The following NETO1 variants were observed in gnomAD, a reference collection of about 807,000 sequenced individuals.
NETO1 encodes the protein neuropilin and tolloid-like protein 1.
In NETO1, 26 loss-of-function variants were observed where a neutral mutation model predicts 61.3. The observed-to-expected ratio is 0.42, with a 90% CI of 0.31 to 0.59. The LOEUF is 0.59. NETO1 is among the 20% of genes least tolerant of loss of function. The pLI is 0.12. For synonymous variants in NETO1, 225 were observed against 225.8 expected (o/e 1.00, Z 0.03); for missense variants, 531 against 662.8 (o/e 0.80, Z 2.18).
rs989816178 is a variant in NETO1, at chr18:72,859,215, T to C, written c.221-141A>G. On this transcript the variant is annotated intron_variant, in intron 3 of 10. Transcript: ENST00000327305. The stretch of plus-strand genomic sequence containing the variant: ...TGCATAGAAATATAAAGAAAGCATA[T>C]GATACTATTCTACGGGACACAATTT... The C allele has an allele frequency of 9.7e-6, 8 of 828,588 alleles. No individual in the cohort carries two copies. The African/African-American group carries it at 1.0e-4, about 11-fold the overall frequency. The allele number at this position is 828,588 out of a possible 1,614,324, so 51.3% of individuals were successfully genotyped here.
At chr18:72,783,222 T>C (rs945279578) in intron 7 of NETO1, among the ~76,000 whole-genome samples, 3 of 152,196 alleles carry the variant, frequency 2.0e-5, no homozygotes, top group Admixed American at 6.5e-5. Context: ...AGCAATTCTC[T>C]CTCCTTACCT....
intron 7 of NETO1, among the ~76,000 whole-genome samples, chr18:72,778,057 A>G (rs1268892346): frequency 6.6e-6 from 1 of 152,192 alleles, no homozygotes; most frequent in Non-Finnish European, 1.5e-5. Context: ...TGCACCCTCC[A>G]CTTGGTGCAG....
chr18:72,834,085 T>C (rs2073665184), intron 4 of NETO1: 20 of 934,826 alleles, frequency 2.1e-5, no homozygotes, highest in Non-Finnish European at 2.6e-5. Flanking sequence ...GTTGTGTTAC[T>C]TGTATTATTG....
chr18:72,812,257 T>C (rs11877598), intron 4 of NETO1, among the ~76,000 whole-genome samples: 21,313 of 152,248 alleles, frequency 0.14, 1,729 homozygotes, highest in Middle Eastern at 0.23. Flanking sequence ...TTGAACACAG[T>C]CTGTCTGATT....
intron 4 of NETO1, among the ~76,000 whole-genome samples, chr18:72,798,761 A>G (rs2072404517): frequency 6.6e-6 from 1 of 152,220 alleles, no homozygotes; most frequent in South Asian, 2.1e-4. Context: ...ATGATGAGAC[A>G]GCAGAAGACC....
chr18:72,768,365 T>G (rs921576262), intron 7 of NETO1, among the ~76,000 whole-genome samples: 13 of 152,172 alleles, frequency 8.5e-5, no homozygotes, highest in African/African-American at 2.9e-4. Flanking sequence ...TCAGTTGACA[T>G]TGTATACCTT....
At chr18:72,856,279 C>T (rs1472217838) in intron 4 of NETO1, among the ~76,000 whole-genome samples, 1 of 152,110 alleles carries the variant, frequency 6.6e-6, no homozygotes, top group Admixed American at 6.5e-5. Context: ...ACTACAACTC[C>T]TACTCGGAAG....
intron 7 of NETO1, among the ~76,000 whole-genome samples, chr18:72,760,334 T>C (rs1236371640): frequency 1.3e-5 from 2 of 152,216 alleles, no homozygotes; most frequent in Admixed American, 6.5e-5. Flanking sequence ...CCAATACATA[T>C]GCATTTGTGC....
chr18:72,781,837 C>A (rs1329091261), intron 7 of NETO1, among the ~76,000 whole-genome samples: 1 of 150,866 alleles, frequency 6.6e-6, no homozygotes, highest in African/African-American at 2.4e-5. Flanking sequence ...TATTTCTTTT[C>A]ATTTAAAGTT....
chr18:72,822,403 G>A (rs1306668461), intron 4 of NETO1, among the ~76,000 whole-genome samples: 1 of 152,154 alleles, frequency 6.6e-6, no homozygotes, highest in East Asian at 1.9e-4. Context: ...GACAAGAACA[G>A]ATAACAAGAA....
chr18:72,800,130 T>G (rs1026855661), intron 4 of NETO1, among the ~76,000 whole-genome samples: 1 of 152,200 alleles, frequency 6.6e-6, no homozygotes, highest in Admixed American at 6.5e-5. Flanking sequence ...AGAGCTTGAG[T>G]GTTACTTCCT....
intron 4 of NETO1, among the ~76,000 whole-genome samples, chr18:72,804,220 T>A (rs2072602472): frequency 6.6e-6 from 1 of 152,202 alleles, no homozygotes; most frequent in Non-Finnish European, 1.5e-5. Flanking sequence ...CTTCAATAGT[T>A]CTTAGGAGAG....
rs749448020 is a variant in NETO1 at position 72,807,755 on chromosome 18, C to CACACA, written c.470-13352_470-13351insTGTGT. ...ACACACACACACACACACACACACA[C>CACACA]CCATACTGTCCAAATGCTGGAGTTT... is the stretch of plus-strand genomic sequence containing the variant. On this transcript the variant is annotated intron_variant, in intron 4 of 10. Transcript: ENST00000327305. 3.0e-3 allele frequency among the ~76,000 whole-genome samples: 128 copies of CACACA among 42,402 alleles called. 1 individual carries two copies. In the South Asian group the frequency reaches 0.06, roughly 20 times the overall value. The allele number at this position is 42,402 out of a possible 152,430, so 27.8% of individuals were successfully genotyped here.
intron 4 of NETO1, among the ~76,000 whole-genome samples, chr18:72,841,064 CTCT>C (rs1159991925): frequency 2.0e-5 from 3 of 152,180 alleles, no homozygotes; most frequent in African/African-American, 7.2e-5. Context: ...TTGGTGACTA[CTCT>C]TCTTCTAGCT....
intron 6 of NETO1, among the ~76,000 whole-genome samples, chr18:72,793,299 A>T (rs2072196404): frequency 6.6e-6 from 1 of 152,080 alleles, no homozygotes; most frequent in South Asian, 2.1e-4. Context: ...TGAACAAATA[A>T]CATCTTAGAC....
intron 6 of NETO1, among the ~76,000 whole-genome samples, chr18:72,786,332 G>A (rs8098402): frequency 0.34 from 51,721 of 152,004 alleles, 9,120 homozygotes; most frequent in Admixed American, 0.47. Flanking sequence ...AATAGAATGT[G>A]AAGTTCTAAA....
chr18:72,860,833 C>T (rs1473205965), intron 3 of NETO1, among the ~76,000 whole-genome samples: 1 of 151,622 alleles, frequency 6.6e-6, no homozygotes, highest in Non-Finnish European at 1.5e-5. Context: ...AAAGGCAAAT[C>T]TGAAGGAGTT....
chr18:72,859,489 T>C (rs1277184114), intron 3 of NETO1, among the ~76,000 whole-genome samples: 2 of 152,226 alleles, frequency 1.3e-5, no homozygotes, highest in Non-Finnish European at 2.9e-5. Context: ...ATATTAAATA[T>C]AATCTTTCAA....
chr18:72,811,709 G>T (rs2072872910), intron 4 of NETO1, among the ~76,000 whole-genome samples: 1 of 152,190 alleles, frequency 6.6e-6, no homozygotes, highest in South Asian at 2.1e-4. Flanking sequence ...GGAAGCTAAG[G>T]CAGGAGGATG....
Sources: gnomAD v4.1 joint callset for allele counts (sites outside exome capture counted in the v4.1 genomes callset) on GRCh38, gnomAD v4.1.1 for gene constraint, MANE v1.5 for transcripts, NCBI Gene and HGNC (gene_info 2026-07-23, HGNC 2026-07-21) for gene names.